COL23A1: variants seen among roughly 807,000 people sequenced by gnomAD.
COL23A1 encodes collagen type XXIII alpha 1 chain.
COL23A1 carries 97 observed loss-of-function variants against 99.3 expected under a neutral mutation model. The ratio of observed to expected loss-of-function variants is 0.98; its 90% confidence interval spans 0.83 to 1.16. The LOEUF is 1.16. COL23A1 is among the 50% of genes most tolerant of loss of function. COL23A1 has a pLI of 0.00. For missense variants in COL23A1, 762 were observed against 757.4 expected, an observed-to-expected ratio of 1.01 and a Z score of -0.07; for synonymous variants, 320 against 308.2, an observed-to-expected ratio of 1.04 and a Z score of -0.40.
intron 2 of COL23A1, among the ~76,000 whole-genome samples, chr5:178,383,573 G>A (rs952770330): frequency 7.2e-5 from 11 of 152,198 alleles, no homozygotes; most frequent in Admixed American, 2.6e-4. Flanking sequence ...AGACTGTCCC[G>A]TTGTTTCTTG....
chr5:178,375,865 G>A (rs1477014777), intron 2 of COL23A1, among the ~76,000 whole-genome samples: 1 of 152,174 alleles, frequency 6.6e-6, no homozygotes, highest in Admixed American at 6.5e-5. Flanking sequence ...CTGCCACCAT[G>A]TCTGGCTAAT....
intron 2 of COL23A1, among the ~76,000 whole-genome samples, chr5:178,487,123 C>T (rs1287935081): frequency 7.1e-6 from 1 of 141,356 alleles, no homozygotes; most frequent in Non-Finnish European, 1.5e-5. Context: ...GGTCCAAGTC[C>T]CAGTTGACAC....
chr5:178,381,675 G>T (rs949787354), intron 2 of COL23A1, among the ~76,000 whole-genome samples: 1 of 152,126 alleles, frequency 6.6e-6, no homozygotes, highest in African/African-American at 2.4e-5. Context: ...TTGCTGTGTC[G>T]CCTACGCTGG....
chr5:178,549,998 TAAAG>T (rs1346918650), intron 2 of COL23A1, among the ~76,000 whole-genome samples: 2 of 152,164 alleles, frequency 1.3e-5, no homozygotes, highest in Non-Finnish European at 2.9e-5. Flanking sequence ...TAATATTAAG[TAAAG>T]AAAGGATCTG....
intron 2 of COL23A1, among the ~76,000 whole-genome samples, chr5:178,447,324 C>A (rs905211408): frequency 6.6e-6 from 1 of 152,128 alleles, no homozygotes; most frequent in South Asian, 2.1e-4. Context: ...GAACTCCTGA[C>A]CTCAAGTGAT....
At chr5:178,263,606 T>C (rs1251959464) in intron 8 of COL23A1, among the ~76,000 whole-genome samples, 3 of 152,200 alleles carry the variant, frequency 2.0e-5, no homozygotes, top group Non-Finnish European at 2.9e-5. Flanking sequence ...AGGAGAGAGA[T>C]GGCACACGCT....
rs565770121 is a variant in COL23A1 at position 178,586,902 on chromosome 5, GAA to G, written c.294+3000_294+3001del. On this transcript the variant is annotated intron_variant, in intron 1 of 28. Transcript: ENST00000390654. The stretch of plus-strand genomic sequence containing the variant: ...TAACCAATATACAGAGTTGATAAGA[GAA>G]AAGGAAAATGCGTAAACTTTACTCG... Among the ~76,000 whole-genome samples, 9 of 152,274 alleles carry G rather than the reference GAA, an allele frequency of 5.9e-5. No homozygotes were observed. In the South Asian group the frequency reaches 1.9e-3, roughly 32 times the overall value.
intron 2 of COL23A1, among the ~76,000 whole-genome samples, chr5:178,324,455 A>G (rs948975479): frequency 6.6e-6 from 1 of 152,102 alleles, no homozygotes; most frequent in Non-Finnish European, 1.5e-5. Context: ...GGGTTCATCA[A>G]CCGCCGGCGA....
rs139901476 is a variant in COL23A1 at position 178,534,823 on chromosome 5, C to G, written c.361+25859G>C. On this transcript the variant is annotated intron_variant, in intron 2 of 28. Coordinates refer to ENST00000390654, the MANE Select transcript of COL23A1 (RefSeq NM_173465.4). ...AAACAGTGCACAGAGCACATGTGCA[C>G]GACCAGATTACAGTACAGGCCCTGC... 3.8e-3 allele frequency among the ~76,000 whole-genome samples: 584 copies of G among 152,176 alleles called. 1 individual carries two copies. The highest frequency in any genetic ancestry group is 5.6e-3 in the Non-Finnish European group (382 of 68,010).
chr5:178,256,257 C>T (rs1765290880), intron 15 of COL23A1, 96 bp downstream of exon 15: 5 of 820,822 alleles, frequency 6.1e-6, no homozygotes, highest in Admixed American at 6.8e-5. Flanking sequence ...TGTAGCTCCA[C>T]TGCTCCTCTG....
chr5:178,577,232 G>T (rs1386385367), intron 1 of COL23A1, among the ~76,000 whole-genome samples: 2 of 152,188 alleles, frequency 1.3e-5, no homozygotes, highest in African/African-American at 4.8e-5. Flanking sequence ...TCCTGGCGGG[G>T]CCTGCTTCTT....
chr5:178,409,488 T>G lies in COL23A1; in HGVS notation c.362-102569A>C, dbSNP rs531558014. ...ATAGTGACTGTGGTGGTATTTACAC[T>G]AGTGTGTGTGTGTGTGATAAAATGG... On this transcript the variant is annotated intron_variant, in intron 2 of 28. Transcript: ENST00000390654. Among the ~76,000 whole-genome samples the G allele has an allele frequency of 2.4e-5, 3 of 125,028 alleles. No individual in the cohort carries two copies. The South Asian group carries it at 7.4e-4, about 31-fold the overall frequency. The allele number at this position is 125,028 out of a possible 152,430, so 82.0% of individuals were successfully genotyped here.
At position 178,589,842 on chromosome 5, in the gene COL23A1, C is replaced by T. The variant is rs1764176520; in HGVS notation, c.294+62G>A. The T allele has an allele frequency of 2.4e-6, 3 of 1,238,512 alleles. No homozygotes were observed. Among genetic ancestry groups the T allele is most frequent in the Non-Finnish European group, 3.0e-6 (3 of 987,690 alleles). 76.7% of individuals were successfully genotyped at this position (1,238,512 alleles called of 1,614,324 possible). A position where few individuals can be genotyped will look rare whatever the true frequency, so the allele number is the denominator to read the frequency against. ...CCTGCACGCTGCCCCCGGCTCCCAG[C>T]GTACCGCCACCCTCAACCCGACACA... is the stretch of plus-strand genomic sequence containing the variant. On this transcript the variant is annotated intron_variant, in intron 1 of 28. Transcript: ENST00000390654. The surrounding 1 kb of genome is among the most constrained non-coding windows in gnomAD (Gnocchi z 5.4).
At chr5:178,301,646 GTGTCTTT>G (rs1758039395) in intron 3 of COL23A1, among the ~76,000 whole-genome samples, 6 of 152,238 alleles carry the variant, frequency 3.9e-5, no homozygotes, top group Admixed American at 3.9e-4. Flanking sequence ...TCTTTAAAGT[GTGTCTTT>G]TTTGTCATGT....
At chr5:178,478,469 A>G (rs509413) in intron 2 of COL23A1, among the ~76,000 whole-genome samples, 2,716 of 152,282 alleles carry the variant, frequency 0.018, 66 homozygotes, top group African/African-American at 0.057. Flanking sequence ...CAGATTCTGC[A>G]TATTTTCCTA....
chr5:178,281,535 C>T lies in COL23A1; in HGVS notation c.441+6789G>A, dbSNP rs141128864. Among the ~76,000 whole-genome samples the T allele has an allele frequency of 0.01, 1,572 of 152,212 alleles. 17 individuals carry two copies. Among genetic ancestry groups the T allele is most frequent in the Non-Finnish European group, 0.014 (922 of 68,006 alleles). On this transcript the variant is annotated intron_variant, in intron 5 of 28. Coordinates refer to ENST00000390654, the MANE Select transcript of COL23A1 (RefSeq NM_173465.4). The surrounding 1 kb of genome is among the most constrained non-coding windows in gnomAD (Gnocchi z 4.0). ...CCAGAGGGGCTTGGGCACGGCGCTC[C>T]GGGGCCCAGGAGGTGCCGTGCGTGT...
At chr5:178,271,634 G>A (rs1361088762) in intron 5 of COL23A1, among the ~76,000 whole-genome samples, 1 of 152,228 alleles carries the variant, frequency 6.6e-6, no homozygotes, top group Non-Finnish European at 1.5e-5. Flanking sequence ...CCCAGAAAAT[G>A]TGTGCGAAGT....
chr5:178,250,045 T>A lies in COL23A1; in HGVS notation c.1059+16A>T, dbSNP rs370902971. 4.3e-6 allele frequency: 7 copies of A among 1,613,490 alleles called. No homozygotes were observed. The African/African-American group carries it at 9.4e-5, about 22-fold the overall frequency. ...CCAGGCACTGGCATCACCAAGGAAA[T>A]GAAAGGCCCAGAGACCTTCTCTCCA... On this transcript the variant is annotated intron_variant, in intron 18 of 28. Coordinates refer to ENST00000390654, the MANE Select transcript of COL23A1 (RefSeq NM_173465.4).
chr5:178,282,052 C>CAAAAAAAAG (rs1756929290), intron 5 of COL23A1, among the ~76,000 whole-genome samples: 1 of 98,686 alleles, frequency 1.0e-5, no homozygotes, highest in Non-Finnish European at 2.1e-5. Context: ...ACACTGTCTC[C>CAAAAAAAAG]AAAAAAAAAA....
Sources: allele counts gnomAD v4.1 joint callset (sites outside exome capture counted in the v4.1 genomes callset), GRCh38; gene constraint gnomAD v4.1.1; non-coding constraint Gnocchi (gnomAD v3.1); transcripts MANE v1.5; gene names NCBI Gene and HGNC (gene_info 2026-07-23, HGNC 2026-07-21).